The following NT5C2 variants were observed in gnomAD, a reference collection of about 807,000 sequenced individuals.
NT5C2 encodes the protein cytosolic purine 5'-nucleotidase.
NT5C2 carries 58 observed loss-of-function variants against 76.1 expected under a neutral mutation model. The observed-to-expected ratio is 0.76, with a 90% CI of 0.62 to 0.95. The LOEUF (loss-of-function observed/expected upper bound fraction) is 0.95, where lower values mean the gene tolerates loss of function less well. NT5C2 is among the 40% of genes least tolerant of loss of function. The probability of loss-of-function intolerance (pLI) is 0.00; values close to 1 mark genes in which losing one functional copy is unlikely to be tolerated. For synonymous variants in NT5C2, 229 were observed against 237.4 expected (o/e 0.96, Z 0.32); for missense variants, 478 against 690.3 (o/e 0.69, Z 3.45).
intron 3 of NT5C2, among the ~76,000 whole-genome samples, chr10:103,174,160 A>G (rs1591762327): frequency 6.6e-6 from 1 of 151,676 alleles, no homozygotes; most frequent in Non-Finnish European, 1.5e-5. Context: ...TAATCCCAGC[A>G]CTTCGGGAGG....
Position 103,174,917 on chromosome 10 carries a change from A to G in NT5C2, c.42T>C (p.Asp14=), listed in dbSNP as rs1565290216. The change falls in exon 3 of 19, where the codon GAT becomes GAC. Residue 14 remains aspartate (D), a synonymous_variant. Transcript: ENST00000404739. The part of the protein sequence containing the change: ...SWSDRLQNAA[D]MPANMDKHAL... ...CATGCTTATCCATGTTAGCAGGCATATCTGCTGCATTCTGTAACCGATCAC... is the reference window on the plus strand; with the variant it reads ...CATGCTTATCCATGTTAGCAGGCATGTCTGCTGCATTCTGTAACCGATCAC... The G allele has an allele frequency of 6.2e-7, 1 of 1,613,084 alleles. No individual in the cohort carries two copies. Among genetic ancestry groups the G allele is most frequent in the East Asian group, 2.2e-5 (1 of 44,854 alleles).
intron 2 of NT5C2, among the ~76,000 whole-genome samples, chr10:103,178,722 C>T (rs1236358630): frequency 6.6e-6 from 1 of 151,040 alleles, no homozygotes; most frequent in African/African-American, 2.4e-5. Context: ...CCCAGCTACT[C>T]AGGTGGCTGA....
At chr10:103,091,057 G>C (rs1274642538) in intron 16 of NT5C2, 61 bp from the exon 17 acceptor site, 1 of 1,453,482 alleles carries the variant, frequency 6.9e-7, no homozygotes, top group Admixed American at 1.7e-5. Flanking sequence ...TATTCTTTAA[G>C]ACAGTCTCAT....
At chr10:103,193,003 G>A (rs1002770542) in intron 1 of NT5C2, among the ~76,000 whole-genome samples, 15 of 152,062 alleles carry the variant, frequency 9.9e-5, no homozygotes, top group Non-Finnish European at 1.8e-4. Flanking sequence ...GGAAGGGGCT[G>A]CCGTGGGGCG....
At position 103,188,288 on chromosome 10, in the gene NT5C2, G is replaced by A. The variant is rs185350568; in HGVS notation, c.-169+4948C>T. 1.2e-3 allele frequency among the ~76,000 whole-genome samples: 182 copies of A among 152,262 alleles called. 1 individual carries two copies. The South Asian group carries it at 0.013, about 11-fold the overall frequency. On this transcript the variant is annotated intron_variant, in intron 1 of 18. Coordinates refer to ENST00000404739, the MANE Select transcript of NT5C2 (RefSeq NM_001351169.2). ...CAGACGAATCACTTGAACCCAGGAG[G>A]TGGAAGTTGCAGTAAGCAGAGATCA... is the stretch of plus-strand genomic sequence containing the variant.
chr10:103,091,521 T>C (rs1278032353), intron 16 of NT5C2, 43 bp downstream of exon 16: 3 of 1,437,370 alleles, frequency 2.1e-6, no homozygotes, highest in Non-Finnish European at 2.9e-6. Flanking sequence ...ATCTAAGTGA[T>C]TCCTGAGTAA....
At chr10:103,165,559 C>CTTTT (rs2086164964) in intron 3 of NT5C2, among the ~76,000 whole-genome samples, 1 of 141,790 alleles carries the variant, frequency 7.1e-6, no homozygotes. Flanking sequence ...TACAGGCGTG[C>CTTTT]ACTACCACCT....
chr10:103,097,389 G>A lies in NT5C2; in HGVS notation c.688-15C>T. 2 of 1,594,920 alleles carry A rather than the reference G, an allele frequency of 1.3e-6. No homozygotes were observed. Among genetic ancestry groups the A allele is most frequent in the South Asian group, 2.2e-5 (2 of 90,302 alleles). On this transcript the variant is annotated splice_polypyrimidine_tract_variant and intron_variant, in intron 10 of 18. Coordinates refer to ENST00000404739, the MANE Select transcript of NT5C2 (RefSeq NM_001351169.2). ...GGCAGTTTTCCCTGAAATGTAATTG[G>A]ATAATGAGTGAAACACGAAAACATT... is the stretch of plus-strand genomic sequence containing the variant.
chr10:103,130,583 TAAA>T (rs5787482), intron 4 of NT5C2, among the ~76,000 whole-genome samples: 9 of 137,382 alleles, frequency 6.6e-5, no homozygotes, highest in Non-Finnish European at 9.3e-5. Context: ...AAATAAAAAT[TAAA>T]AAAAAAAAAA....
chr10:103,113,416 T>C (rs545435948), intron 4 of NT5C2, among the ~76,000 whole-genome samples: 39 of 152,252 alleles, frequency 2.6e-4, no homozygotes, highest in African/African-American at 9.1e-4. Context: ...GACAGAAAAA[T>C]TGAAAATTAT....
At chr10:103,120,896 C>A (rs2075523368) in intron 4 of NT5C2, among the ~76,000 whole-genome samples, 1 of 152,152 alleles carries the variant, frequency 6.6e-6, no homozygotes. Flanking sequence ...GAGACAATCC[C>A]CATGTCCATC....
In NT5C2 at chr10:103,089,781, C is replaced by T. The variant is rs1355682373; in HGVS notation, c.1577G>A (p.Arg526Gln). Residue 526 changes from arginine to glutamine, a missense_variant, in exon 19 of 19, where the codon CGG (arginine) becomes CAG (glutamine). By Grantham distance (43) the Arg-to-Gln change is conservative. Transcript: ENST00000404739. ...DTDYKRHQLT[R>Q]SISEIKPPNL... ...GGGAGGTTTAATCTCACTAATTGAC[C>T]GTGTCAGCTGGTGCCGCTTGTAGTC... The T allele has an allele frequency of 3.7e-6, 6 of 1,613,928 alleles. No individual in the cohort carries two copies. Among genetic ancestry groups the T allele is most frequent in the Admixed American group, 1.7e-5 (1 of 60,012 alleles).
chr10:103,191,053 TTTG>T (rs768264789), intron 1 of NT5C2, among the ~76,000 whole-genome samples: 4 of 152,184 alleles, frequency 2.6e-5, no homozygotes, highest in Non-Finnish European at 5.9e-5. Flanking sequence ...TTTTTGGGGA[TTTG>T]TTGTTATTTA....
At chr10:103,094,203 G>C in intron 13 of NT5C2, 145 bp downstream of exon 13, 1 of 687,952 alleles carries the variant, frequency 1.5e-6, no homozygotes, top group Non-Finnish European at 2.4e-6. Context: ...GACTGTTTCA[G>C]TTAAGACCAA....
intron 4 of NT5C2, among the ~76,000 whole-genome samples, chr10:103,113,369 C>G (rs2073530970): frequency 6.6e-6 from 1 of 152,062 alleles, no homozygotes; most frequent in Non-Finnish European, 1.5e-5. Context: ...TGAACACTTA[C>G]AAATATCTTG....
At chr10:103,100,757 A>C (rs772836422) in intron 8 of NT5C2, 20 of 575,592 alleles carry the variant, frequency 3.5e-5, no homozygotes, top group South Asian at 1.4e-4. Context: ...CAAACCTCCC[A>C]CTCAGTTGTC....
At chr10:103,126,945 G>T (rs2076779514) in intron 4 of NT5C2, among the ~76,000 whole-genome samples, 1 of 152,078 alleles carries the variant, frequency 6.6e-6, no homozygotes, top group Non-Finnish European at 1.5e-5. Context: ...CCAAGTAGCT[G>T]GAACTACACA....
chr10:103,091,887 C>T (rs955543716), intron 15 of NT5C2, among the ~76,000 whole-genome samples: 7 of 152,190 alleles, frequency 4.6e-5, no homozygotes, highest in East Asian at 1.9e-4. Flanking sequence ...CAGCTGCACG[C>T]TCATTCTGAG....
At chr10:103,173,920 A>T (rs989144303) in intron 3 of NT5C2, among the ~76,000 whole-genome samples, 15 of 151,648 alleles carry the variant, frequency 9.9e-5, no homozygotes, top group African/African-American at 2.9e-4. Context: ...ACACGGTGAA[A>T]CCCTGTCTCT....
Sources: allele counts gnomAD v4.1 joint callset (sites outside exome capture counted in the v4.1 genomes callset), GRCh38; gene constraint gnomAD v4.1.1; transcripts MANE v1.5; gene names NCBI Gene and HGNC (gene_info 2026-07-23, HGNC 2026-07-21).